The following IGHMBP2 variants were observed in gnomAD, a reference collection of about 807,000 sequenced individuals.
IGHMBP2 encodes immunoglobulin mu DNA binding protein 2, also known as DNA-binding protein SMUBP-2.
Under a neutral mutation model 96.0 loss-of-function variants are expected in IGHMBP2, and 81 were observed. The observed-to-expected ratio is 0.84, with a 90% confidence interval of 0.71 to 1.01. The LOEUF is 1.01. Ranked by LOEUF, IGHMBP2 falls within the 50% of genes least tolerant of loss-of-function variation. IGHMBP2 has a pLI of 0.00. For synonymous variants in IGHMBP2, 557 were observed against 548.9 expected (o/e 1.01, Z -0.21); for missense variants, 1,227 against 1,306.3 (o/e 0.94, Z 0.94).
At position 68,933,854 on chromosome 11, in the gene IGHMBP2, C is replaced by T. The variant is rs780594709; in HGVS notation, c.1478C>T (p.Thr493Ile). ...GGTGTGCCCCTGCTCTTGGTGGACACCGCCGGCTGCGGGCTGTTTGAGCTG... is the reference window on the plus strand; with the variant it reads ...GGTGTGCCCCTGCTCTTGGTGGACATCGCCGGCTGCGGGCTGTTTGAGCTG... ...ETGVPLLLVD[T>I]AGCGLFELEE... The change falls in exon 10 of 15, where the codon ACC (threonine) becomes ATC (isoleucine). Residue 493 changes from threonine (T) to isoleucine (I), a missense_variant. Physicochemically the swap from Thr to Ile is moderately conservative, Grantham distance 89. Transcript: ENST00000255078. The T allele has an allele frequency of 7.7e-5, 124 of 1,608,422 alleles. No individual in the cohort carries two copies. The highest frequency in any genetic ancestry group is 1.0e-4 in the Non-Finnish European group (120 of 1,177,480).
chr11:68,933,513 C>G lies in IGHMBP2; in HGVS notation c.1418+32C>G, dbSNP rs1859400230. Reference sequence around the variant, plus strand: ...AGCTCGGCACCACCCGCCGCCCCATCCTTCTGCCCTGGCTAATCCTCTGCG... The same window carrying G: ...AGCTCGGCACCACCCGCCGCCCCATGCTTCTGCCCTGGCTAATCCTCTGCG... On this transcript the variant is annotated intron_variant, in intron 9 of 14. Transcript: ENST00000255078. 1.9e-6 allele frequency: 3 copies of G among 1,597,310 alleles called. No homozygotes were observed. In the African/African-American group the frequency reaches 4.0e-5, roughly 21 times the overall value.
intron 7 of IGHMBP2, among the ~76,000 whole-genome samples, chr11:68,920,630 G>A (rs773347862): frequency 2.4e-4 from 37 of 152,098 alleles, no homozygotes; most frequent in African/African-American, 8.5e-4. Context: ...CAACAGACAC[G>A]TGCTATCACA....
chr11:68,913,578 G>A (rs1240130134), intron 5 of IGHMBP2, among the ~76,000 whole-genome samples: 1 of 151,822 alleles, frequency 6.6e-6, no homozygotes, highest in East Asian at 2.0e-4. Flanking sequence ...CAAAGTGCTG[G>A]GATTACAGGC....
At chr11:68,938,413 C>T in intron 14 of IGHMBP2, 59 bp downstream of exon 14, 7 of 1,477,524 alleles carry the variant, frequency 4.7e-6, no homozygotes, top group Non-Finnish European at 6.4e-6. Flanking sequence ...GTTCCGTCTC[C>T]AGGAAGCAGA....
At position 68,939,690 on chromosome 11, in the gene IGHMBP2, A is replaced by G. The variant is rs1284145137; in HGVS notation, c.2941A>G (p.Ser981Gly). The stretch of plus-strand genomic sequence containing the variant: ...GCTGGATAAGAAGCTGAGTGAGCTC[A>G]GCAACCAGAGGACCAGCCGGAGGAA... Reference protein sequence around the residue: ...RRLDKKLSELSNQRTSRRKER... With the variant: ...RRLDKKLSELGNQRTSRRKER... The change falls in exon 15 of 15, where the codon AGC (serine) becomes GGC (glycine). Residue 981 changes from serine to glycine, a missense_variant. By Grantham distance (56) the Ser-to-Gly change is moderately conservative (BLOSUM62 0). Around this residue, in one of 3 missense-constraint regions of IGHMBP2, gnomAD observed 703 missense variants for 770.3 expected, o/e 0.91. Coordinates refer to ENST00000255078, the MANE Select transcript of IGHMBP2 (RefSeq NM_002180.3). 6.2e-7 allele frequency: 1 copy of G among 1,612,538 alleles called. No homozygotes were observed. The highest frequency in any genetic ancestry group is 8.5e-7 in the Non-Finnish European group (1 of 1,179,648).
chr11:68,937,238 C>A, intron 13 of IGHMBP2, 147 bp downstream of exon 13: 1 of 1,027,542 alleles, frequency 9.7e-7, no homozygotes, highest in Non-Finnish European at 1.4e-6. Flanking sequence ...TTCAGTCATG[C>A]CACTCCCAGC....
In IGHMBP2 at chr11:68,906,114, C is replaced by T. The variant is rs78807992; in HGVS notation, c.132C>T (p.Gly44=). 2.4e-4 allele frequency: 387 copies of T among 1,614,140 alleles called. 2 individuals carry two copies. The African/African-American group carries it at 4.1e-3, about 17-fold the overall frequency. The change falls in exon 2 of 15, where the codon GGC becomes GGT. Residue 44 remains glycine (G), a synonymous_variant. Coordinates refer to ENST00000255078, the MANE Select transcript of IGHMBP2 (RefSeq NM_002180.3). ...NISLKELQSR[G]VCLLKLQVSS... ...CTCTGAAAGAGCTCCAGAGCCGAGG[C>T]GTGTGTTTGCTGAAGCTGCAGGTAT...
In IGHMBP2 at chr11:68,914,870, G is replaced by A. The variant is rs1202016348; in HGVS notation, c.759G>A (p.Glu253=). The A allele has an allele frequency of 1.2e-6, 2 of 1,614,264 alleles. No individual in the cohort carries two copies. Among genetic ancestry groups the A allele is most frequent in the Admixed American group, 3.3e-5 (2 of 60,030 alleles). ...PSNIAVDNLV[E]RLALCKQRIL... ...ACATCGCCGTGGACAATCTGGTGGAGCGCCTGGCTCTGTGTAAGCAGCGGA... is the reference window on the plus strand; with the variant it reads ...ACATCGCCGTGGACAATCTGGTGGAACGCCTGGCTCTGTGTAAGCAGCGGA... Residue 253 remains glutamate (E), a synonymous_variant, in exon 6 of 15, where the codon GAG becomes GAA. Coordinates refer to ENST00000255078, the MANE Select transcript of IGHMBP2 (RefSeq NM_002180.3).
At chr11:68,932,285 A>G (rs960418862) in intron 8 of IGHMBP2, 1 of 152,230 alleles carries the variant, frequency 6.6e-6, no homozygotes, top group African/African-American at 2.4e-5. Context: ...TCCTGTCCTC[A>G]TTTTGTTGGA....
At chr11:68,932,931 C>T in intron 8 of IGHMBP2, 3 of 321,352 alleles carry the variant, frequency 9.3e-6, no homozygotes, top group South Asian at 6.9e-5. Context: ...ATGAAGCCAG[C>T]CGTGTTACGT....
At chr11:68,914,736 T>C (rs781750843) in intron 5 of IGHMBP2, 87 bp from the exon 6 acceptor site, 33 of 1,409,556 alleles carry the variant, frequency 2.3e-5, no homozygotes, top group Non-Finnish European at 2.9e-5. Flanking sequence ...TGCTTCTTTC[T>C]ACCTTTAAGG....
At chr11:68,913,336 T>G (rs2154007071) in intron 5 of IGHMBP2, among the ~76,000 whole-genome samples, 1 of 152,210 alleles carries the variant, frequency 6.6e-6, no homozygotes, top group South Asian at 2.1e-4. Context: ...GTGTGCACGC[T>G]TTGGTGGAGA....
Position 68,938,183 on chromosome 11 carries a change from A to G in IGHMBP2, c.2613A>G (p.Gly871=). The change falls in exon 14 of 15, where the codon GGA becomes GGG. Residue 871 remains glycine (G), a splice_region_variant and synonymous_variant. Coordinates refer to ENST00000255078, the MANE Select transcript of IGHMBP2 (RefSeq NM_002180.3). ...CTGAGTGACGCGGGTCTTCTCCAGG[A>G]CATCCGGCCACAGATCTGCCCACGG... ...LPEKKKKKAK[G]HPATDLPTEE... is the part of the protein sequence containing the mutation. The G allele has an allele frequency of 6.2e-7, 1 of 1,614,030 alleles. No individual in the cohort carries two copies. Among genetic ancestry groups the G allele is most frequent in the Non-Finnish European group, 8.5e-7 (1 of 1,180,014 alleles).
At position 68,936,341 on chromosome 11, in the gene IGHMBP2, G is replaced by A; in HGVS notation, c.1861G>A (p.Ala621Thr). ...ICDSRTVNNH[A>T]FLKTLVEYFT... is the part of the protein sequence containing the mutation. ...TGACTCCCGTACTGTCAACAACCAT[G>A]CATTTTTGAAGACCCTGGTGGAGTA... Residue 621 changes from alanine (A) to threonine (T), a missense_variant, in exon 13 of 15, where the codon GCA becomes ACA. By Grantham distance (58) the Ala-to-Thr change is moderately conservative. Transcript: ENST00000255078. 1.2e-6 allele frequency: 2 copies of A among 1,614,228 alleles called. No individual in the cohort carries two copies. Among genetic ancestry groups the A allele is most frequent in the South Asian group, 2.2e-5 (2 of 91,088 alleles).
In IGHMBP2 at chr11:68,938,325, C is replaced by A. The variant is rs145945230; in HGVS notation, c.2755C>A (p.Arg919Ser). ...LGQFCQLCSR[R>S]YCLSHHLPEI... The stretch of plus-strand genomic sequence containing the variant: ...CCAGTTCTGCCAGCTCTGCAGCCGC[C>A]GCTACTGCCTCAGCCACCACCTGCC... The change falls in exon 14 of 15, where the codon CGC becomes AGC. Residue 919 changes from arginine (R) to serine (S), a missense_variant. Physicochemically the swap from Arg to Ser is moderately radical, Grantham distance 110. Transcript: ENST00000255078. 323 of 1,611,756 alleles carry A rather than the reference C, an allele frequency of 2.0e-4. No individual in the cohort carries two copies. Among genetic ancestry groups the A allele is most frequent in the Non-Finnish European group, 2.4e-4 (280 of 1,179,638 alleles).
Position 68,915,444 on chromosome 11 carries a change from T to C in IGHMBP2, c.912+421T>C, listed in dbSNP as rs572744679. Among the ~76,000 whole-genome samples, 561 of 151,756 alleles carry C rather than the reference T, an allele frequency of 3.7e-3. 2 individuals are homozygous for C. The highest frequency in any genetic ancestry group is 6.4e-3 in the Non-Finnish European group (434 of 67,880). On this transcript the variant is annotated intron_variant, in intron 6 of 14. Coordinates refer to ENST00000255078, the MANE Select transcript of IGHMBP2 (RefSeq NM_002180.3). The stretch of plus-strand genomic sequence containing the variant: ...CTCTGCCCGCCTCGGCCTCTCAAAG[T>C]GCTGGGATTACAGGCGTGAGCCACC...
intron 4 of IGHMBP2, 90 bp downstream of exon 4, chr11:68,908,721 G>A: frequency 2.3e-6 from 2 of 874,026 alleles, no homozygotes; most frequent in Non-Finnish European, 3.8e-6. Flanking sequence ...ATAAGAGTTT[G>A]AGAAAGTATG....
chr11:68,929,347 G>A lies in IGHMBP2; in HGVS notation c.1225G>A (p.Val409Ile). The A allele has an allele frequency of 6.2e-7, 1 of 1,613,240 alleles. No individual in the cohort carries two copies. The highest frequency in any genetic ancestry group is 8.5e-7 in the Non-Finnish European group (1 of 1,179,984). ...GDHKQLPPTTVSHKAALAGLS... is the reference protein window; with the variant it reads ...GDHKQLPPTTISHKAALAGLS... ...TCACAAGCAGCTGCCCCCCACCACAGTCTCTCACAAGTAAGACCCCTTTGC... is the reference window on the plus strand; with the variant it reads ...TCACAAGCAGCTGCCCCCCACCACAATCTCTCACAAGTAAGACCCCTTTGC... The change falls in exon 8 of 15, where the codon GTC (valine) becomes ATC (isoleucine). Residue 409 changes from valine (V) to isoleucine (I), a missense_variant. Val to Ile is a conservative substitution (Grantham distance 29). Coordinates refer to ENST00000255078, the MANE Select transcript of IGHMBP2 (RefSeq NM_002180.3).
intron 7 of IGHMBP2, among the ~76,000 whole-genome samples, chr11:68,928,228 C>A (rs1859145475): frequency 6.6e-6 from 1 of 152,202 alleles, no homozygotes; most frequent in Non-Finnish European, 1.5e-5. Flanking sequence ...CTGTTCCCTG[C>A]TGGTTGTTGG....
Sources: gnomAD v4.1 joint callset for allele counts (sites outside exome capture counted in the v4.1 genomes callset) on GRCh38, gnomAD v4.1.1 for gene constraint, gnomAD v4.1.1 regional missense constraint, MANE v1.5 for transcripts, NCBI Gene and HGNC (gene_info 2026-07-23, HGNC 2026-07-21) for gene names.